Variants in TRPM8 observed in about 807,000 individuals in gnomAD.
TRPM8 encodes TRPM8 cationic channel.
TRPM8 carries 110 observed loss-of-function variants against 133.7 expected under a neutral mutation model. That is an observed-to-expected ratio of 0.82 (90% CI 0.70 to 0.96). The LOEUF is 0.96. Ranked by LOEUF, TRPM8 falls within the 40% of genes least tolerant of loss-of-function variation. TRPM8 has a pLI of 0.00. For missense variants in TRPM8, 1,291 were observed against 1,379.5 expected (o/e 0.94, Z 1.02); for synonymous variants, 535 against 532.3 (o/e 1.01, Z -0.07).
chr2:234,006,540 A>T (rs1176146059), intron 22 of TRPM8, among the ~76,000 whole-genome samples: 1 of 152,248 alleles, frequency 6.6e-6, no homozygotes, highest in African/African-American at 2.4e-5. Flanking sequence ...ATCAAATGTG[A>T]GAACTAAATT....
intron 22 of TRPM8, among the ~76,000 whole-genome samples, chr2:233,999,444 C>T (rs144860499): frequency 1.6e-4 from 25 of 152,338 alleles, no homozygotes; most frequent in East Asian, 7.7e-4. Context: ...CCAGACAGAA[C>T]GGGTAGAGAA....
At chr2:233,996,253 A>G (rs1692398258) in intron 21 of TRPM8, 73 bp from the exon 22 acceptor site, 1 of 1,386,806 alleles carries the variant, frequency 7.2e-7, no homozygotes, top group Admixed American at 1.8e-5. Flanking sequence ...TAATACCACT[A>G]TTACCATACT....
At chr2:234,008,183 TG>T in intron 24 of TRPM8, 80 bp downstream of exon 24, 1 of 1,403,958 alleles carries the variant, frequency 7.1e-7, no homozygotes, top group South Asian at 1.3e-5. Context: ...GGCCAGTAGT[TG>T]TGATAATAAA....
chr2:233,984,541 C>T (rs975130588), intron 20 of TRPM8, among the ~76,000 whole-genome samples: 1 of 152,138 alleles, frequency 6.6e-6, no homozygotes, highest in Admixed American at 6.5e-5. Flanking sequence ...TCAATTCATC[C>T]ACTAGTTTTG....
At chr2:233,927,910 C>CTTTCTTTCTTTCTT (rs1383928374) in intron 2 of TRPM8, among the ~76,000 whole-genome samples, 2 of 38,054 alleles carry the variant, frequency 5.3e-5, no homozygotes, top group East Asian at 1.3e-3. Context: ...TTCTTTCTTT[C>CTTTCTTTCTTTCTT]TCTCTCTCTC....
chr2:233,937,643 A>G (rs1690789071), intron 4 of TRPM8, 134 bp downstream of exon 4: 2 of 1,075,840 alleles, frequency 1.9e-6, no homozygotes, highest in Non-Finnish European at 2.7e-6. Context: ...GATTGCAGAA[A>G]AAGATACATC....
At chr2:233,927,796 TTTCCTTCCTTCCTTCCTTCCTTCCTTCC>T (rs1170295086) in intron 2 of TRPM8, among the ~76,000 whole-genome samples, 4 of 25,604 alleles carry the variant, frequency 1.6e-4, no homozygotes, top group Non-Finnish European at 1.8e-4. Flanking sequence ...CTTTCTTTTC[TTTCCTTCCTTCCTTCCTTCCTTCCTTCC>T]TTCCTTCCTT....
At chr2:233,946,657 C>T (rs1330571017) in intron 7 of TRPM8, among the ~76,000 whole-genome samples, 1 of 152,156 alleles carries the variant, frequency 6.6e-6, no homozygotes, top group Non-Finnish European at 1.5e-5. Flanking sequence ...CAATTATTTT[C>T]CTTTCACAAT....
intron 1 of TRPM8, among the ~76,000 whole-genome samples, chr2:233,918,087 A>G (rs1336067935): frequency 1.3e-5 from 2 of 152,088 alleles, no homozygotes; most frequent in African/African-American, 4.8e-5. Flanking sequence ...GCCAGTGCTG[A>G]CTTTTTCAGT....
rs551019254 is a variant in TRPM8 at position 233,935,901 on chromosome 2, C to T, written c.192-1452C>T. On this transcript the variant is annotated intron_variant, in intron 3 of 25. Coordinates refer to ENST00000324695, the MANE Select transcript of TRPM8 (RefSeq NM_024080.5). ...TTTGGAGACCACATCTCTCAGGATGCCCTGGATAGAGAGGTCAAATAGTCA... is the reference window on the plus strand; with the variant it reads ...TTTGGAGACCACATCTCTCAGGATGTCCTGGATAGAGAGGTCAAATAGTCA... 5.3e-5 allele frequency among the ~76,000 whole-genome samples: 8 copies of T among 152,148 alleles called. No individual in the cohort carries two copies. The East Asian group carries it at 1.5e-3, about 29-fold the overall frequency.
chr2:234,006,803 C>A (rs1692704389), intron 22 of TRPM8, 50 bp from the exon 23 acceptor site: 2 of 1,387,780 alleles, frequency 1.4e-6, no homozygotes, highest in Non-Finnish European at 2.0e-6. Context: ...ATTTAGGAAG[C>A]AAGGGGCAAA....
Position 233,945,985 on chromosome 2 carries a change from C to G in TRPM8, c.829C>G (p.Leu277Val). 1 of 1,614,124 alleles carries G rather than the reference C, an allele frequency of 6.2e-7. No homozygotes were observed. Among genetic ancestry groups the G allele is most frequent in the Non-Finnish European group, 8.5e-7 (1 of 1,180,004 alleles). Reference sequence around the variant, plus strand: ...TGGACATCCCACTGTCGAAGCAAAGCTCCGGAATCAGCTAGAGAAGTATAT... The same window carrying G: ...TGGACATCCCACTGTCGAAGCAAAGGTCCGGAATCAGCTAGAGAAGTATAT... The part of the protein sequence containing the change: ...CHGHPTVEAK[L>V]RNQLEKYISE... Residue 277 changes from leucine (L) to valine (V), a missense_variant, in exon 7 of 26, where the codon CTC (leucine) becomes GTC (valine). Leu to Val is a conservative substitution (Grantham distance 32). Transcript: ENST00000324695.
In TRPM8 at chr2:233,927,796, TTTCCTTCCTTCCTTCCTTCCTTCC is replaced by T. The variant is rs1170295086; in HGVS notation, c.117+1177_117+1200del. 7.4e-4 allele frequency among the ~76,000 whole-genome samples: 19 copies of T among 25,604 alleles called. 1 individual carries two copies. The highest frequency in any genetic ancestry group is 0.012 in the Middle Eastern group (1 of 84). The allele number at this position is 25,604 out of a possible 152,430, so 16.8% of individuals were successfully genotyped here. A position where few individuals can be genotyped will look rare whatever the true frequency, so the allele number is the denominator to read the frequency against. On this transcript the variant is annotated intron_variant, in intron 2 of 25. Transcript: ENST00000324695. ...TTTCTTTCTTTCTTTCTTTCTTTTCTTTCCTTCCTTCCTTCCTTCCTTCCTTCCTTCCTTCCTTCCTTCCTTCCT... is the reference window on the plus strand; with the variant it reads ...TTTCTTTCTTTCTTTCTTTCTTTTCTTTCCTTCCTTCCTTCCTTCCTTCCT...
At chr2:233,959,233 C>T (rs1377352281) in intron 11 of TRPM8, among the ~76,000 whole-genome samples, 1 of 151,860 alleles carries the variant, frequency 6.6e-6, no homozygotes, top group Non-Finnish European at 1.5e-5. Flanking sequence ...ACCATGTTGA[C>T]GAGGCTGGTC....
rs199683400 is a variant in TRPM8, at chr2:233,926,519, A to T, written c.-5-14A>T. 10 of 1,604,056 alleles carry T rather than the reference A, an allele frequency of 6.2e-6. No individual in the cohort carries two copies. Among genetic ancestry groups the T allele is most frequent in the Non-Finnish European group, 6.0e-6 (7 of 1,171,008 alleles). ...TTTGTAACCCAAACTTATCCCCTCC[A>T]ACCATCGTCACAGAAAAGATGTCCT... On this transcript the variant is annotated splice_polypyrimidine_tract_variant and intron_variant, in intron 1 of 25. Coordinates refer to ENST00000324695, the MANE Select transcript of TRPM8 (RefSeq NM_024080.5).
chr2:233,985,836 G>T lies in TRPM8; in HGVS notation c.2910G>T (p.Leu970=). 1 of 1,614,120 alleles carries T rather than the reference G, an allele frequency of 6.2e-7. No individual in the cohort carries two copies. ...TCTACATGTTATCCACCAACATCCT[G>T]CTGGTCAACCTGCTGGTCGCCATGT... The part of the protein sequence containing the change: ...VCIYMLSTNI[L]LVNLLVAMFG... Residue 970 remains leucine, a synonymous_variant, in exon 21 of 26, where the codon CTG becomes CTT. Coordinates refer to ENST00000324695, the MANE Select transcript of TRPM8 (RefSeq NM_024080.5).
rs1188726654 is a variant in TRPM8, at chr2:233,960,949, C to A, written c.1536C>A (p.Ala512=). The change falls in exon 12 of 26, where the codon GCC becomes GCA. Residue 512 remains alanine (A), a synonymous_variant. Transcript: ENST00000324695. ...TTGTGTACCGGAATCTGCAGATCGC[C>A]AAGAATTCCTATAATGATGCCCTCC... ...STLVYRNLQI[A]KNSYNDALLT... 1 of 1,614,034 alleles carries A rather than the reference C, an allele frequency of 6.2e-7. No individual in the cohort carries two copies. Among genetic ancestry groups the A allele is most frequent in the African/African-American group, 1.3e-5 (1 of 74,918 alleles).
chr2:233,983,136 G>T lies in TRPM8; in HGVS notation c.2673G>T (p.Gln891His). Residue 891 changes from glutamine (Q) to histidine (H), a missense_variant, in exon 20 of 26, where the codon CAG (glutamine) becomes CAT (histidine). Gln to His is a conservative substitution (Grantham distance 24). Around this residue, in one of 2 missense-constraint regions of TRPM8, gnomAD observed 328 missense variants for 410.6 expected, o/e 0.80. Transcript: ENST00000324695. ...TGGCCAGGCAAGGGATCCTTAGGCA[G>T]AATGAGCAGCGCTGGAGGTGGATAT... is the stretch of plus-strand genomic sequence containing the variant. Reference protein sequence around the residue: ...FGVARQGILRQNEQRWRWIFR... With the variant: ...FGVARQGILRHNEQRWRWIFR... 6.2e-7 allele frequency: 1 copy of T among 1,614,192 alleles called. No individual in the cohort carries two copies.
intron 22 of TRPM8, among the ~76,000 whole-genome samples, chr2:233,998,053 T>C (rs980556223): frequency 6.6e-6 from 1 of 152,038 alleles, no homozygotes; most frequent in Non-Finnish European, 1.5e-5. Context: ...TTTTATTTGT[T>C]TGGAGGTTTG....
Sources: gnomAD v4.1 joint callset for allele counts (sites outside exome capture counted in the v4.1 genomes callset) on GRCh38, gnomAD v4.1.1 for gene constraint, gnomAD v4.1.1 regional missense constraint, MANE v1.5 for transcripts, NCBI Gene and HGNC (gene_info 2026-07-23, HGNC 2026-07-21) for gene names.